Variants in GSTM1 observed in about 807,000 individuals in gnomAD.
GSTM1 encodes the protein glutathione S-transferase mu 1, also known as GST HB subunit 4.
A neutral mutation model predicts 17.3 loss-of-function variants in GSTM1; 6 were observed. The ratio of observed to expected loss-of-function variants is 0.35; its 90% CI spans 0.19 to 0.68. The LOEUF (loss-of-function observed/expected upper bound fraction) is 0.68. Ranked by LOEUF, GSTM1 falls within the 30% of genes least tolerant of loss-of-function variation. The pLI is 0.65. For synonymous variants in GSTM1, 20 were observed against 53.6 expected, an observed-to-expected ratio of 0.37 and a Z score of 2.74; for missense variants, 62 against 155.9, an observed-to-expected ratio of 0.40 and a Z score of 3.21.
Position 109,690,384 on chromosome 1 carries a change from T to G in GSTM1, c.456+18T>G. 2 of 783,830 alleles carry G rather than the reference T, an allele frequency of 2.6e-6. 1 individual carries two copies. The highest frequency in any genetic ancestry group is 3.7e-6 in the Non-Finnish European group (2 of 540,222). The allele number at this position is 783,830 out of a possible 1,614,324, so 48.6% of individuals were successfully genotyped here. A position where few individuals can be genotyped will look rare whatever the true frequency, so the allele number is the denominator to read the frequency against. ...GAAACAAGGTAAAGGAGGAGTGATA[T>G]GGGGAATGAGATCTGTTTTGCTTCA... is the stretch of plus-strand genomic sequence containing the variant. On this transcript the variant is annotated intron_variant, in intron 6 of 7. Transcript: ENST00000309851.
intron 7 of GSTM1, among the ~76,000 whole-genome samples, chr1:109,691,225 C>CTTTTTTTT (rs140454046): frequency 7.7e-4 from 14 of 18,190 alleles, no homozygotes; most frequent in African/African-American, 9.2e-4. Flanking sequence ...CACCTCTATT[C>CTTTTTTTT]TTTTTTTTTT....
At position 109,688,877 on chromosome 1, in the gene GSTM1, C is replaced by T; in HGVS notation, c.177+140C>T. 3.2e-5 allele frequency: 16 copies of T among 493,236 alleles called. 4 individuals are homozygous for T. Among genetic ancestry groups the T allele is most frequent in the South Asian group, 3.0e-4 (14 of 46,322 alleles). The allele number at this position is 493,236 out of a possible 1,614,324, so 30.6% of individuals were successfully genotyped here. A position where few individuals can be genotyped will look rare whatever the true frequency, so the allele number is the denominator to read the frequency against. On this transcript the variant is annotated intron_variant, in intron 3 of 7. Coordinates refer to ENST00000309851, the MANE Select transcript of GSTM1 (RefSeq NM_000561.4). ...CTCCTGGCTGTCTAAACAGTCCTTC[C>T]ATGATGTTCTGTGTCCACCTGCATT...
intron 7 of GSTM1, among the ~76,000 whole-genome samples, chr1:109,692,819 A>G (rs1213696097): frequency 1.2e-5 from 1 of 80,898 alleles, no homozygotes; most frequent in African/African-American, 3.5e-5. Flanking sequence ...CTGCAGTTCT[A>G]TTCCCCTTAC....
intron 1 of GSTM1, 120 bp from the exon 2 acceptor site, chr1:109,688,050 G>T: frequency 1.3e-6 from 1 of 762,918 alleles, no homozygotes; most frequent in Non-Finnish European, 1.9e-6. Context: ...TGTGTGTGTT[G>T]GGGGTGTGGG....
intron 7 of GSTM1, among the ~76,000 whole-genome samples, chr1:109,692,166 C>T (rs1385856428): frequency 1.4e-5 from 1 of 72,808 alleles, no homozygotes; most frequent in Non-Finnish European, 3.4e-5. Flanking sequence ...TCAAACAATT[C>T]TCTGCCTCAG....
rs1648086465 is a variant in GSTM1 at position 109,691,072 on chromosome 1, C to T, written c.567+508C>T. Among the ~76,000 whole-genome samples the T allele has an allele frequency of 3.7e-5, 3 of 80,524 alleles. 1 individual carries two copies. The South Asian group carries it at 1.1e-3, about 31-fold the overall frequency. 52.8% of individuals were successfully genotyped at this position (80,524 alleles called of 152,430 possible). A position where few individuals can be genotyped will look rare whatever the true frequency, so the allele number is the denominator to read the frequency against. On this transcript the variant is annotated intron_variant, in intron 7 of 7. Coordinates refer to ENST00000309851, the MANE Select transcript of GSTM1 (RefSeq NM_000561.4). ...CACAGGCAATATTCATAGCTACCTC[C>T]AGAAGCTTTGCATGATTGGACCCCA...
At position 109,690,905 on chromosome 1, in the gene GSTM1, A is replaced by T. The variant is rs1451073593; in HGVS notation, c.567+341A>T. Among the ~76,000 whole-genome samples, 6 of 81,444 alleles carry T rather than the reference A, an allele frequency of 7.4e-5. 1 individual carries two copies. The highest frequency in any genetic ancestry group is 2.1e-4 in the African/African-American group (6 of 28,624). 53.4% of individuals were successfully genotyped at this position (81,444 alleles called of 152,430 possible). On this transcript the variant is annotated intron_variant, in intron 7 of 7. Coordinates refer to ENST00000309851, the MANE Select transcript of GSTM1 (RefSeq NM_000561.4). ...CAGTCAGGGCTCTCCCATTTGTGAC[A>T]GAAGAAAAAGCCTTAGGCTTCACCT...
chr1:109,691,627 A>T lies in GSTM1; in HGVS notation c.567+1063A>T, dbSNP rs1648099907. Among the ~76,000 whole-genome samples, 3 of 80,748 alleles carry T rather than the reference A, an allele frequency of 3.7e-5. 1 individual carries two copies. The highest frequency in any genetic ancestry group is 1.1e-4 in the African/African-American group (3 of 28,394). 53.0% of individuals were successfully genotyped at this position (80,748 alleles called of 152,430 possible). On this transcript the variant is annotated intron_variant, in intron 7 of 7. Transcript: ENST00000309851. ...CCGACCTTCTCTGCATGAGGCAGGG[A>T]GTGAGGCACAGTGGGAGATGTATAG...
rs1648038005 is a variant in GSTM1 at position 109,689,185 on chromosome 1, C to G, written c.260-40C>G. 2 of 791,948 alleles carry G rather than the reference C, an allele frequency of 2.5e-6. 1 individual carries two copies. Among genetic ancestry groups the G allele is most frequent in the Admixed American group, 6.1e-5 (2 of 32,592 alleles). The allele number at this position is 791,948 out of a possible 1,614,324, so 49.1% of individuals were successfully genotyped here. On this transcript the variant is annotated intron_variant, in intron 4 of 7. Transcript: ENST00000309851. The stretch of plus-strand genomic sequence containing the variant: ...GAAGGTGGCCTCCTCCTTGGCTGGG[C>G]TGTGATGCTGAGATTGAGTCTGTGT...
rs750433286 is a variant in GSTM1 at position 109,690,264 on chromosome 1, G to T, written c.361-7G>T. 2.2e-5 allele frequency: 17 copies of T among 789,192 alleles called. 7 individuals are homozygous for T. In the African/African-American group the frequency reaches 3.2e-4, roughly 15 times the overall value. 48.9% of individuals were successfully genotyped at this position (789,192 alleles called of 1,614,324 possible). ...CCGAGGGTGGTGACAGCTGTTTTCT[G>T]CCTCAGGAGAAACTGAAGCCAAAGT... On this transcript the variant is annotated splice_region_variant and splice_polypyrimidine_tract_variant and intron_variant, in intron 5 of 7. Transcript: ENST00000309851.
In GSTM1 at chr1:109,689,569, G is replaced by A. The variant is rs1173870868; in HGVS notation, c.360+244G>A. Among the ~76,000 whole-genome samples the A allele has an allele frequency of 2.5e-5, 2 of 79,614 alleles. 1 individual carries two copies. Among genetic ancestry groups the A allele is most frequent in the South Asian group, 7.7e-4 (2 of 2,604 alleles). 52.2% of individuals were successfully genotyped at this position (79,614 alleles called of 152,430 possible). A position where few individuals can be genotyped will look rare whatever the true frequency, so the allele number is the denominator to read the frequency against. On this transcript the variant is annotated intron_variant, in intron 5 of 7. Coordinates refer to ENST00000309851, the MANE Select transcript of GSTM1 (RefSeq NM_000561.4). ...ATTCAGTTCCTGTATGGTAAAGTTT[G>A]TGTTCAGAATCTCCTTCATCAGCTC...
intron 1 of GSTM1, 87 bp from the exon 2 acceptor site, chr1:109,688,083 C>T: frequency 1.3e-6 from 1 of 794,600 alleles, no homozygotes; most frequent in Non-Finnish European, 1.8e-6. Context: ...GCAACGGGTA[C>T]GTGCAGTGTA....
chr1:109,691,336 G>A lies in GSTM1; in HGVS notation c.567+772G>A, dbSNP rs1268752825. On this transcript the variant is annotated intron_variant, in intron 7 of 7. Transcript: ENST00000309851. ...CAACCTCCGCCTCCTGGGTTCAAGC[G>A]ATTCTACTGCCTCAGCTGCACGATT... Among the ~76,000 whole-genome samples the A allele has an allele frequency of 7.5e-5, 5 of 66,772 alleles. 2 individuals are homozygous for A. Among genetic ancestry groups the A allele is most frequent in the African/African-American group, 2.2e-4 (5 of 22,846 alleles). The allele number at this position is 66,772 out of a possible 152,430, so 43.8% of individuals were successfully genotyped here.
chr1:109,688,492 G>A lies in GSTM1; in HGVS notation c.113-181G>A, dbSNP rs1648015365. 5.3e-6 allele frequency: 2 copies of A among 375,936 alleles called. 1 individual carries two copies. The highest frequency in any genetic ancestry group is 8.3e-5 in the Admixed American group (2 of 24,168). The allele number at this position is 375,936 out of a possible 1,614,324, so 23.3% of individuals were successfully genotyped here. ...TGCCTAAACCCTGGAAGCCTTAGCT[G>A]TGTGGGGTCCAGAGCCCTCAGCGGG... On this transcript the variant is annotated intron_variant, in intron 2 of 7. Coordinates refer to ENST00000309851, the MANE Select transcript of GSTM1 (RefSeq NM_000561.4).
At position 109,689,962 on chromosome 1, in the gene GSTM1, C is replaced by A. The variant is rs1402449704; in HGVS notation, c.361-309C>A. On this transcript the variant is annotated intron_variant, in intron 5 of 7. Transcript: ENST00000309851. ...CATCCTTGATTCTGCTGGTCTGGATCCAGAGGCTGCCAGGTGCTTGGGCGC... is the reference window on the plus strand; with the variant it reads ...CATCCTTGATTCTGCTGGTCTGGATACAGAGGCTGCCAGGTGCTTGGGCGC... Among the ~76,000 whole-genome samples, 3 of 81,660 alleles carry A rather than the reference C, an allele frequency of 3.7e-5. 1 individual carries two copies. Among genetic ancestry groups the A allele is most frequent in the Non-Finnish European group, 9.5e-5 (3 of 31,616 alleles). The allele number at this position is 81,660 out of a possible 152,430, so 53.6% of individuals were successfully genotyped here.
chr1:109,688,090 T>A lies in GSTM1; in HGVS notation c.37-80T>A. On this transcript the variant is annotated intron_variant, in intron 1 of 7. Coordinates refer to ENST00000309851, the MANE Select transcript of GSTM1 (RefSeq NM_000561.4). ...TAGAGGAGGCAACGGGTACGTGCAG[T>A]GTAAACTGGGGGCTTCCCTGGTGCA... 2.5e-6 allele frequency: 2 copies of A among 796,116 alleles called. 1 individual carries two copies. Among genetic ancestry groups the A allele is most frequent in the African/African-American group, 3.7e-5 (2 of 53,698 alleles). 49.3% of individuals were successfully genotyped at this position (796,116 alleles called of 1,614,324 possible). A position where few individuals can be genotyped will look rare whatever the true frequency, so the allele number is the denominator to read the frequency against.
chr1:109,688,705 G>A lies in GSTM1; in HGVS notation c.145G>A (p.Glu49Lys), dbSNP rs772197093. ...TTATGACAGAAGCCAGTGGCTGAAT[G>A]AAAAATTCAAGCTGGGCCTGGACTT... The part of the protein sequence containing the change: ...PDYDRSQWLN[E>K]KFKLGLDFPN... Residue 49 changes from glutamate to lysine, a missense_variant, in exon 3 of 8, where the codon GAA (glutamate) becomes AAA (lysine). By Grantham distance (56) the Glu-to-Lys change is moderately conservative. Coordinates refer to ENST00000309851, the MANE Select transcript of GSTM1 (RefSeq NM_000561.4). 1.9e-5 allele frequency: 15 copies of A among 795,134 alleles called. 6 individuals carry two copies. In the African/African-American group the frequency reaches 2.5e-4, roughly 13 times the overall value. The allele number at this position is 795,134 out of a possible 1,614,324, so 49.3% of individuals were successfully genotyped here. A position where few individuals can be genotyped will look rare whatever the true frequency, so the allele number is the denominator to read the frequency against.
chr1:109,692,183 G>T lies in GSTM1; in HGVS notation c.568-1023G>T, dbSNP rs1329200445. 5.3e-5 allele frequency among the ~76,000 whole-genome samples: 4 copies of T among 74,952 alleles called. 2 individuals carry two copies. Among genetic ancestry groups the T allele is most frequent in the African/African-American group, 1.5e-4 (4 of 26,036 alleles). 49.2% of individuals were successfully genotyped at this position (74,952 alleles called of 152,430 possible). ...AAACAATTCTCTGCCTCAGCCTCCC[G>T]AGTAGCTGGGATTACAAGTGTCTAT... On this transcript the variant is annotated intron_variant, in intron 7 of 7. Transcript: ENST00000309851.
intron 5 of GSTM1, 138 bp downstream of exon 5, chr1:109,689,463 C>T (rs1427044633): frequency 3.0e-6 from 1 of 335,660 alleles, no homozygotes; most frequent in African/African-American, 2.6e-5. Flanking sequence ...CAGTTATTCT[C>T]ACGACTCCAA....
Sources: allele counts gnomAD v4.1 joint callset (sites outside exome capture counted in the v4.1 genomes callset), GRCh38; gene constraint gnomAD v4.1.1; transcripts MANE v1.5; gene names NCBI Gene and HGNC (gene_info 2026-07-23, HGNC 2026-07-21).